The following CNTNAP1 variants were observed in gnomAD, a reference collection of about 807,000 sequenced individuals.
CNTNAP1 encodes the protein contactin-associated protein 1.
CNTNAP1 carries 80 observed loss-of-function variants against 161.5 expected under a neutral mutation model. The observed-to-expected ratio is 0.50, with a 90% CI of 0.41 to 0.60. CNTNAP1 has a LOEUF of 0.60. CNTNAP1 is among the 20% of genes least tolerant of loss of function. CNTNAP1 has a pLI of 0.00. For synonymous variants in CNTNAP1, 695 were observed against 733.1 expected, an observed-to-expected ratio of 0.95 and a Z score of 0.84; for missense variants, 1,464 against 1,854.8, an observed-to-expected ratio of 0.79 and a Z score of 3.87.
intron 9 of CNTNAP1, 61 bp from the exon 10 acceptor site, chr17:42,688,815 C>T (rs764011443): frequency 3.1e-6 from 5 of 1,596,066 alleles, no homozygotes; most frequent in East Asian, 2.2e-5. Flanking sequence ...CTCAGCATGT[C>T]CCTGGGGGAG....
At chr17:42,682,970 T>A in intron 1 of CNTNAP1, 74 bp downstream of exon 1, 10 of 1,402,630 alleles carry the variant, frequency 7.1e-6, no homozygotes, top group Non-Finnish European at 8.7e-6. Flanking sequence ...CCGAACCGCA[T>A]TGCGGCTGGG....
Position 42,689,584 on chromosome 17 carries a change from C to T in CNTNAP1, c.1692C>T (p.Cys564=), listed in dbSNP as rs1306171091. 6.2e-7 allele frequency: 1 copy of T among 1,613,910 alleles called. No homozygotes were observed. The highest frequency in any genetic ancestry group is 2.2e-5 in the East Asian group (1 of 44,856). The stretch of plus-strand genomic sequence containing the variant: ...ACCAGTCTTGGGATGACTTCATTTG[C>T]TACTGCGAACTGACGGGCTACAAGG... The part of the protein sequence containing the change: ...RCYQSWDDFI[C]YCELTGYKGE... The change falls in exon 11 of 24, where the codon TGC becomes TGT. Residue 564 remains cysteine, a synonymous_variant. Coordinates refer to ENST00000264638, the MANE Select transcript of CNTNAP1 (RefSeq NM_003632.3).
intron 1 of CNTNAP1, chr17:42,683,397 G>C (rs1246902588): frequency 9.2e-7 from 1 of 1,083,610 alleles, no homozygotes; most frequent in Non-Finnish European, 1.1e-6. Context: ...AGCACTGGCT[G>C]AGGTTGGGTG....
At position 42,698,445 on chromosome 17, in the gene CNTNAP1, ATGTGTG is replaced by A. The variant is rs71276881; in HGVS notation, c.3863-142_3863-137del. 0.053 allele frequency among the ~76,000 whole-genome samples: 7,436 copies of A among 139,512 alleles called. 573 individuals carry two copies. The highest frequency in any genetic ancestry group is 0.18 in the African/African-American group (6,642 of 37,742). 91.5% of individuals were successfully genotyped at this position (139,512 alleles called of 152,430 possible). A position where few individuals can be genotyped will look rare whatever the true frequency, so the allele number is the denominator to read the frequency against. On this transcript the variant is annotated intron_variant, in intron 23 of 23. Coordinates refer to ENST00000264638, the MANE Select transcript of CNTNAP1 (RefSeq NM_003632.3). ...ACATTATGCTTTTGGCCAAAAGTAA[ATGTGTG>A]TGTGTGTGTGTGTGTGTGTGTGTGT...
rs1292229596 is a variant in CNTNAP1, at chr17:42,690,620, A to G, written c.1856-119A>G. ...GCAGAGTGCCCAGGGCAGAGGTGGA[A>G]TGGAGCTGCTGGCCACGTTCAGTGG... On this transcript the variant is annotated intron_variant, in intron 12 of 23. Transcript: ENST00000264638. 1.2e-5 allele frequency: 11 copies of G among 941,082 alleles called. No homozygotes were observed. In the East Asian group the frequency reaches 2.2e-4, roughly 19 times the overall value. 58.3% of individuals were successfully genotyped at this position (941,082 alleles called of 1,614,324 possible). A position where few individuals can be genotyped will look rare whatever the true frequency, so the allele number is the denominator to read the frequency against.
chr17:42,690,049 ACT>A (rs1401530865), intron 11 of CNTNAP1, 37 bp from the exon 12 acceptor site: 2 of 1,610,560 alleles, frequency 1.2e-6, no homozygotes, highest in East Asian at 4.5e-5. Flanking sequence ...CAGCCCTCTA[ACT>A]CTCTAACTGC....
intron 20 of CNTNAP1, among the ~76,000 whole-genome samples, chr17:42,696,467 G>GC (rs2053153667): frequency 1.3e-5 from 2 of 151,828 alleles, no homozygotes; most frequent in Admixed American, 6.6e-5. Context: ...GAGATTACAG[G>GC]CATGCGCCAC....
intron 17 of CNTNAP1, 143 bp from the exon 18 acceptor site, chr17:42,693,153 GT>G: frequency 2.1e-6 from 2 of 974,460 alleles, no homozygotes; most frequent in Admixed American, 5.0e-5. Flanking sequence ...TAGAGACGGG[GT>G]TTCATCATGT....
chr17:42,696,003 AT>A (rs2053147624), intron 19 of CNTNAP1, 21 bp from the exon 20 acceptor site: 1 of 1,611,930 alleles, frequency 6.2e-7, no homozygotes, highest in South Asian at 1.1e-5. Flanking sequence ...GAGACCCCAA[AT>A]TTCTTCTCCC....
intron 8 of CNTNAP1, among the ~76,000 whole-genome samples, 175 bp downstream of exon 8, chr17:42,688,156 G>A (rs904911456): frequency 1.7e-4 from 26 of 152,202 alleles, no homozygotes; most frequent in Non-Finnish European, 2.6e-4. Flanking sequence ...GCAGTGAGGA[G>A]GCGAATCTGA....
At chr17:42,689,072 A>G in intron 10 of CNTNAP1, 25 bp downstream of exon 10, 1 of 1,537,804 alleles carries the variant, frequency 6.5e-7, no homozygotes, top group Non-Finnish European at 8.8e-7. Context: ...CTAACAAGAG[A>G]TGACCCCTCC....
Position 42,682,846 on chromosome 17 carries a change from T to C in CNTNAP1, c.17T>C (p.Leu6Pro), listed in dbSNP as rs144595361. The C allele has an allele frequency of 6.2e-5, 98 of 1,590,610 alleles. No individual in the cohort carries two copies. The African/African-American group carries it at 1.2e-3, about 20-fold the overall frequency. Residue 6 changes from leucine (L) to proline (P), a missense_variant, in exon 1 of 24, where the codon CTC (leucine) becomes CCC (proline). Physicochemically the swap from Leu to Pro is moderately conservative, Grantham distance 98. Around this residue, in one of 3 missense-constraint regions of CNTNAP1, gnomAD observed 77 missense variants for 73.6 expected, o/e 1.05. Coordinates refer to ENST00000264638, the MANE Select transcript of CNTNAP1 (RefSeq NM_003632.3). MMHLR[L>P]FCILLAAVSG... ...CAGCCCTGCATGATGCATCTCCGGC[T>C]CTTCTGCATCCTGCTCGCCGCGGTC...
At chr17:42,690,027 G>C in intron 11 of CNTNAP1, 61 bp from the exon 12 acceptor site, 1 of 1,587,502 alleles carries the variant, frequency 6.3e-7, no homozygotes. Context: ...GGCCCGAGCC[G>C]CCGCACCTGG....
chr17:42,690,327 C>A, intron 12 of CNTNAP1, 120 bp downstream of exon 12: 1 of 1,257,844 alleles, frequency 8.0e-7, no homozygotes, highest in Non-Finnish European at 1.1e-6. Flanking sequence ...GAAGGGCATA[C>A]TGAGGAATTT....
In CNTNAP1 at chr17:42,687,109, G is replaced by C; in HGVS notation, c.1044+63G>C. On this transcript the variant is annotated intron_variant, in intron 7 of 23. Transcript: ENST00000264638. This position sits in a 1 kb window ranked among gnomAD's most constrained non-coding sequence, Gnocchi z 4.7. ...AAGCGTCGTGGAAAGCAAAGAGGTG[G>C]AGCGGGAAGAGATATTGAACATCAG... 1 of 1,570,888 alleles carries C rather than the reference G, an allele frequency of 6.4e-7. No homozygotes were observed. Among genetic ancestry groups the C allele is most frequent in the Non-Finnish European group, 8.7e-7 (1 of 1,151,236 alleles).
At chr17:42,694,100 C>T in intron 18 of CNTNAP1, among the ~76,000 whole-genome samples, 1 of 151,716 alleles carries the variant, frequency 6.6e-6, no homozygotes, top group East Asian at 1.9e-4. Flanking sequence ...ACCTTGTGAT[C>T]TGCCTGCCTC....
At chr17:42,683,557 G>A (rs1327968818) in intron 1 of CNTNAP1, 52 of 1,338,258 alleles carry the variant, frequency 3.9e-5, no homozygotes, top group Non-Finnish European at 4.5e-5. Flanking sequence ...ACCAGGGCAG[G>A]TATTGGGCTA....
chr17:42,682,628 A>C lies in CNTNAP1; in HGVS notation c.-202A>C. 1 of 597,022 alleles carries C rather than the reference A, an allele frequency of 1.7e-6. No homozygotes were observed. The highest frequency in any genetic ancestry group is 3.0e-6 in the Non-Finnish European group (1 of 335,078). The allele number at this position is 597,022 out of a possible 1,614,324, so 37.0% of individuals were successfully genotyped here. A position where few individuals can be genotyped will look rare whatever the true frequency, so the allele number is the denominator to read the frequency against. On this transcript the variant is annotated 5_prime_UTR_variant, in exon 1 of 24. Coordinates refer to ENST00000264638, the MANE Select transcript of CNTNAP1 (RefSeq NM_003632.3). Reference sequence around the variant, plus strand: ...GATAGAGAGAGAAGAGCGGAGGACCAGGAACCAGAGAGAGAGAGAGAGAAA... The same window carrying C: ...GATAGAGAGAGAAGAGCGGAGGACCCGGAACCAGAGAGAGAGAGAGAGAAA...
At chr17:42,682,939 T>G in intron 1 of CNTNAP1, 43 bp downstream of exon 1, 1 of 1,548,054 alleles carries the variant, frequency 6.5e-7, no homozygotes, top group Non-Finnish European at 8.7e-7. Context: ...GGCCCAGGAG[T>G]CCAGAGCCTG....
Sources: allele counts gnomAD v4.1 joint callset (sites outside exome capture counted in the v4.1 genomes callset), GRCh38; gene constraint gnomAD v4.1.1; regional missense constraint gnomAD v4.1.1; non-coding constraint Gnocchi (gnomAD v3.1); transcripts MANE v1.5; gene names NCBI Gene and HGNC (gene_info 2026-07-23, HGNC 2026-07-21).